The following DNAH6 variants were observed in gnomAD, a reference collection of about 807,000 sequenced individuals.
DNAH6 encodes axonemal beta dynein heavy chain 6.
A neutral mutation model predicts 491.4 loss-of-function variants in DNAH6; 340 were observed. That is an observed-to-expected ratio of 0.69 (90% CI 0.63 to 0.76). The LOEUF is 0.76. Among genes scored for constraint, DNAH6 ranks in the 30% least tolerant of loss-of-function variants. DNAH6 has a pLI of 0.00. For synonymous variants in DNAH6, 1,603 were observed against 1,686.1 expected (o/e 0.95, Z 1.21); for missense variants, 4,443 against 4,972.2 (o/e 0.89, Z 3.20).
intron 63 of DNAH6, chr2:84,750,949 G>C (rs1244037924): frequency 6.6e-6 from 1 of 152,186 alleles, no homozygotes; most frequent in Admixed American, 6.5e-5. Flanking sequence ...TCAGAACCCA[G>C]ATTAGGTTTC....
At chr2:84,817,039 G>C (rs1680552614) in intron 76 of DNAH6, among the ~76,000 whole-genome samples, 1 of 152,064 alleles carries the variant, frequency 6.6e-6, no homozygotes, top group East Asian at 1.9e-4. Flanking sequence ...AATAATGGCT[G>C]GTAATTTCCC....
At position 84,625,096 on chromosome 2, in the gene DNAH6, G is replaced by A. The variant is rs763012356; in HGVS notation, c.4515+33G>A. 52 of 1,448,124 alleles carry A rather than the reference G, an allele frequency of 3.6e-5. No homozygotes were observed. The African/African-American group carries it at 5.6e-4, about 16-fold the overall frequency. The allele number at this position is 1,448,124 out of a possible 1,614,324, so 89.7% of individuals were successfully genotyped here. ...TCTTGCATCTGAATATTAACATTAA[G>A]TGTTTTATGTGTCTTTCTCTATTTG... On this transcript the variant is annotated intron_variant, in intron 29 of 76. Coordinates refer to ENST00000389394, the MANE Select transcript of DNAH6 (RefSeq NM_001370.2).
intron 61 of DNAH6, among the ~76,000 whole-genome samples, chr2:84,728,761 A>G (rs1698881237): frequency 6.6e-6 from 1 of 151,842 alleles, no homozygotes; most frequent in South Asian, 2.1e-4. Flanking sequence ...TCCCTCCTTC[A>G]TGTTCATCTG....
At chr2:84,792,848 A>G (rs17608438) in intron 68 of DNAH6, among the ~76,000 whole-genome samples, 4,044 of 152,352 alleles carry the variant, frequency 0.027, 78 homozygotes, top group Non-Finnish European at 0.04. Flanking sequence ...AGCAATACCC[A>G]TGGGAAAACC....
intron 52 of DNAH6, 137 bp downstream of exon 52, chr2:84,705,884 A>G (rs1027987379): frequency 2.6e-5 from 30 of 1,139,626 alleles, no homozygotes; most frequent in Non-Finnish European, 3.4e-5. Context: ...CTTTTGTTTT[A>G]AACAAGAGCT....
chr2:84,472,808 T>C, the DNAH6 span, among the ~76,000 whole-genome samples: 1 of 152,202 alleles, frequency 6.6e-6, no homozygotes, highest in Admixed American at 6.5e-5. Flanking sequence ...GTGAGTGATA[T>C]AGAAAGGTGA....
Position 84,728,032 on chromosome 2 carries a change from CG to C in DNAH6, c.10206+135del, listed in dbSNP as rs1698802924. On this transcript the variant is annotated intron_variant, in intron 61 of 76. Coordinates refer to ENST00000389394, the MANE Select transcript of DNAH6 (RefSeq NM_001370.2). ...GACCTGGTGGGAGATTACTGAATCACGGGGGCAGTTTCCCCCATACTGTTCT... is the reference window on the plus strand; with the variant it reads ...GACCTGGTGGGAGATTACTGAATCACGGGGCAGTTTCCCCCATACTGTTCT... 4.7e-6 allele frequency: 3 copies of C among 642,684 alleles called. No homozygotes were observed. In the South Asian group the frequency reaches 5.7e-5, roughly 12 times the overall value. The allele number at this position is 642,684 out of a possible 1,614,324, so 39.8% of individuals were successfully genotyped here.
intron 42 of DNAH6, among the ~76,000 whole-genome samples, chr2:84,684,794 C>T (rs1371967320): frequency 6.6e-6 from 1 of 152,184 alleles, no homozygotes; most frequent in East Asian, 1.9e-4. Flanking sequence ...AACTTGAAAT[C>T]ATTAGAACTG....
At chr2:84,616,779 T>C (rs1241494462) in intron 22 of DNAH6, 107 bp from the exon 23 acceptor site, 1 of 517,908 alleles carries the variant, frequency 1.9e-6, no homozygotes, top group Non-Finnish European at 3.3e-6. Context: ...TAAATAGTTT[T>C]CTAGGGAGAA....
At chr2:84,676,724 T>C (rs2104702386) in intron 40 of DNAH6, among the ~76,000 whole-genome samples, 1 of 152,270 alleles carries the variant, frequency 6.6e-6, no homozygotes, top group Middle Eastern at 3.4e-3. Flanking sequence ...GATAGCAAAG[T>C]TTTTAGGATT....
At chr2:84,513,300 C>T (rs1359068198), upstream of DNAH6, among the ~76,000 whole-genome samples, 1 of 151,964 alleles carries the variant, frequency 6.6e-6, no homozygotes, top group Non-Finnish European at 1.5e-5. Flanking sequence ...ATCAGATTCT[C>T]CTGCCTTCTA....
chr2:84,470,117 C>T, the DNAH6 span, among the ~76,000 whole-genome samples: 2 of 152,110 alleles, frequency 1.3e-5, no homozygotes, highest in African/African-American at 2.4e-5. Context: ...TCCTATGAGT[C>T]GGGGGTCTCT....
intron 11 of DNAH6, among the ~76,000 whole-genome samples, chr2:84,558,224 G>A (rs746693149): frequency 7.9e-5 from 12 of 151,946 alleles, no homozygotes; most frequent in Non-Finnish European, 1.2e-4. Flanking sequence ...TCAGGAGATC[G>A]AGACCATCCT....
chr2:84,471,353 A>G, the DNAH6 span, among the ~76,000 whole-genome samples: 1 of 152,168 alleles, frequency 6.6e-6, no homozygotes, highest in Admixed American at 6.5e-5. Flanking sequence ...CTTATTCAAA[A>G]TGGAGTCGCT....
In DNAH6 at chr2:84,814,046, C is replaced by T; in HGVS notation, c.12074C>T (p.Thr4025Ile). Residue 4025 changes from threonine to isoleucine, a missense_variant, in exon 75 of 77, where the codon ACC becomes ATC. Transcript: ENST00000389394. ...AGTTTCAAATACAGCGTAATTCCCA[C>T]CTATCGGGATCAAGCTGCAGTGATA... Reference protein sequence around the residue: ...ELSFKYSVIPTYRDQAAVIEA... With the variant: ...ELSFKYSVIPIYRDQAAVIEA... 1 of 1,551,712 alleles carries T rather than the reference C, an allele frequency of 6.4e-7. No individual in the cohort carries two copies. The highest frequency in any genetic ancestry group is 8.7e-7 in the Non-Finnish European group (1 of 1,146,974).
intron 4 of DNAH6, among the ~76,000 whole-genome samples, chr2:84,532,643 A>G (rs753216363): frequency 3.0e-4 from 45 of 152,162 alleles, no homozygotes; most frequent in African/African-American, 5.1e-4. Flanking sequence ...GCAATAATCT[A>G]TCTCTCTGAT....
rs1232109692 is a variant in DNAH6 at position 84,780,328 on chromosome 2, T to C, written c.10704-1165T>C. On this transcript the variant is annotated intron_variant, in intron 64 of 76. Transcript: ENST00000389394. ...TCATATTTCTCATAGCCTTTGTCCA[T>C]TTTTTAAATTCTTTTTTCTTTATTT... is the stretch of plus-strand genomic sequence containing the variant. Among the ~76,000 whole-genome samples, 3 of 152,212 alleles carry C rather than the reference T, an allele frequency of 2.0e-5. No homozygotes were observed. The East Asian group carries it at 5.8e-4, about 29-fold the overall frequency.
Position 84,588,876 on chromosome 2 carries a change from A to G in DNAH6, c.2532A>G (p.Ile844Met). ...CTGACCAAGACAAAATAAGGCTCAT[A>G]TTGAATAATCTGCAATCTGTTCTGG... ...ISADQDKIRL[I>M]LNNLQSVLAD... Residue 844 changes from isoleucine (I) to methionine (M), a missense_variant, in exon 16 of 77, where the codon ATA (isoleucine) becomes ATG (methionine). By Grantham distance (10) the Ile-to-Met change is conservative (BLOSUM62 1). Coordinates refer to ENST00000389394, the MANE Select transcript of DNAH6 (RefSeq NM_001370.2). 1 of 1,550,854 alleles carries G rather than the reference A, an allele frequency of 6.4e-7. No homozygotes were observed. Among genetic ancestry groups the G allele is most frequent in the Non-Finnish European group, 8.7e-7 (1 of 1,146,390 alleles).
chr2:84,712,937 T>C (rs1316753686), intron 56 of DNAH6, among the ~76,000 whole-genome samples, 158 bp from the exon 57 acceptor site: 1 of 152,254 alleles, frequency 6.6e-6, no homozygotes, highest in Non-Finnish European at 1.5e-5. Flanking sequence ...AAATAGGTAC[T>C]GTTAGAGGTA....
Sources: gnomAD v4.1 joint callset for allele counts (sites outside exome capture counted in the v4.1 genomes callset) on GRCh38, gnomAD v4.1.1 for gene constraint, MANE v1.5 for transcripts, NCBI Gene and HGNC (gene_info 2026-07-23, HGNC 2026-07-21) for gene names.